Variants in KHDRBS2 observed in about 807,000 individuals in gnomAD.
KHDRBS2 encodes KH RNA binding domain containing, signal transduction associated 2.
In KHDRBS2, 26 loss-of-function variants were observed where a neutral mutation model predicts 44.3. The observed-to-expected ratio is 0.59, with a 90% CI of 0.43 to 0.81. The LOEUF (loss-of-function observed/expected upper bound fraction) is 0.81. Ranked by LOEUF, KHDRBS2 falls within the 40% of genes least tolerant of loss-of-function variation. The pLI, the probability that KHDRBS2 is intolerant of heterozygous loss-of-function variation, is 0.00. For synonymous variants in KHDRBS2, 194 were observed against 151.1 expected (o/e 1.28, Z -2.08); for missense variants, 476 against 433.1 (o/e 1.10, Z -0.88).
intron 7 of KHDRBS2, among the ~76,000 whole-genome samples, chr6:61,731,949 A>G (rs909918824): frequency 4.6e-5 from 7 of 152,118 alleles, no homozygotes; most frequent in African/African-American, 1.7e-4. Context: ...GTAACAAAAA[A>G]CAGATAGTTG....
chr6:61,901,395 G>T, intron 4 of KHDRBS2, 24 bp from the exon 5 acceptor site: 1 of 1,586,982 alleles, frequency 6.3e-7, no homozygotes, highest in Non-Finnish European at 8.6e-7. Flanking sequence ...ATGATGTGAT[G>T]AGTTAAAAAT....
chr6:61,971,381 T>C (rs1297100401), intron 4 of KHDRBS2, among the ~76,000 whole-genome samples: 1 of 152,218 alleles, frequency 6.6e-6, no homozygotes, highest in East Asian at 1.9e-4. Context: ...AGTAGTAAAA[T>C]GAGATCACTT....
At chr6:62,237,895 T>A (rs530788415) in intron 1 of KHDRBS2, among the ~76,000 whole-genome samples, 2 of 151,884 alleles carry the variant, frequency 1.3e-5, no homozygotes, top group Admixed American at 1.3e-4. Flanking sequence ...AAAAATTAGC[T>A]GGGCGTGGTG....
At chr6:61,876,462 T>C (rs1422562771) in intron 6 of KHDRBS2, among the ~76,000 whole-genome samples, 2 of 151,646 alleles carry the variant, frequency 1.3e-5, no homozygotes, top group Non-Finnish European at 2.9e-5. Flanking sequence ...CAGAAGTAGG[T>C]AGCTTTATAG....
chr6:62,213,690 C>T (rs1391471506), intron 1 of KHDRBS2, among the ~76,000 whole-genome samples: 1 of 151,420 alleles, frequency 6.6e-6, no homozygotes, highest in Non-Finnish European at 1.5e-5. Context: ...CTGGCTAACA[C>T]GGTGCAACCC....
At chr6:61,912,814 C>T (rs78870248) in intron 4 of KHDRBS2, among the ~76,000 whole-genome samples, 10,290 of 152,154 alleles carry the variant, frequency 0.068, 413 homozygotes, top group Middle Eastern at 0.13. Flanking sequence ...AAAGGATTTA[C>T]GGCAAAGAAG....
At chr6:61,700,719 G>C (rs1477282989) in intron 7 of KHDRBS2, among the ~76,000 whole-genome samples, 1 of 142,182 alleles carries the variant, frequency 7.0e-6, no homozygotes, top group African/African-American at 2.5e-5. Flanking sequence ...CCTCATCCTG[G>C]GCTTGTGCAC....
intron 1 of KHDRBS2, among the ~76,000 whole-genome samples, chr6:62,258,031 T>C (rs879832525): frequency 1.3e-5 from 2 of 152,018 alleles, no homozygotes; most frequent in Admixed American, 6.6e-5. Flanking sequence ...AGTGCCGACA[T>C]GATGCCACAG....
At chr6:61,638,452 A>G in the KHDRBS2 span, among the ~76,000 whole-genome samples, 2 of 152,178 alleles carry the variant, frequency 1.3e-5, no homozygotes, top group African/African-American at 4.8e-5. Context: ...CTGGCTAGCC[A>G]TATATAGAAA....
At chr6:61,718,393 T>C (rs1350922026) in intron 7 of KHDRBS2, among the ~76,000 whole-genome samples, 2 of 152,164 alleles carry the variant, frequency 1.3e-5, no homozygotes, top group African/African-American at 4.8e-5. Flanking sequence ...TATCATTATT[T>C]ATATGTTCAA....
At chr6:61,930,298 C>A (rs183868166) in intron 4 of KHDRBS2, among the ~76,000 whole-genome samples, 46 of 151,978 alleles carry the variant, frequency 3.0e-4, no homozygotes, top group African/African-American at 1.1e-3. Context: ...TTTGTTATAG[C>A]AGCACAAATG....
chr6:61,814,260 A>G (rs573318328), intron 6 of KHDRBS2, among the ~76,000 whole-genome samples: 1 of 152,314 alleles, frequency 6.6e-6, no homozygotes, highest in African/African-American at 2.4e-5. Context: ...ATAATTCATT[A>G]TGACTGAAAT....
intron 2 of KHDRBS2, among the ~76,000 whole-genome samples, chr6:62,116,542 T>G (rs1056546926): frequency 1.1e-4 from 16 of 152,232 alleles, no homozygotes; most frequent in African/African-American, 3.6e-4. Context: ...ATGTATATAA[T>G]GTGTAATGAT....
chr6:61,903,707 A>G (rs866990349), intron 4 of KHDRBS2, among the ~76,000 whole-genome samples: 43 of 152,296 alleles, frequency 2.8e-4, no homozygotes, highest in Middle Eastern at 3.4e-3. Flanking sequence ...CATCATGAAA[A>G]GAAGCAGAGA....
At chr6:61,961,939 G>A (rs1397954597) in intron 4 of KHDRBS2, among the ~76,000 whole-genome samples, 4 of 151,062 alleles carry the variant, frequency 2.6e-5, no homozygotes, top group Non-Finnish European at 5.9e-5. Flanking sequence ...GACTATGTAG[G>A]TACCATATAA....
intron 1 of KHDRBS2, among the ~76,000 whole-genome samples, chr6:62,189,292 C>A (rs905887945): frequency 6.6e-6 from 1 of 151,990 alleles, no homozygotes; most frequent in African/African-American, 2.4e-5. Context: ...AATAAGTCCT[C>A]TCTCAACAGT....
chr6:62,053,183 A>T (rs986987520), intron 2 of KHDRBS2, among the ~76,000 whole-genome samples: 7 of 152,092 alleles, frequency 4.6e-5, no homozygotes, highest in Non-Finnish European at 1.0e-4. Context: ...AAGAAATACC[A>T]GTCCCATTAG....
the KHDRBS2 span, among the ~76,000 whole-genome samples, chr6:61,553,510 C>T: frequency 6.6e-6 from 1 of 151,996 alleles, no homozygotes; most frequent in Non-Finnish European, 1.5e-5. Context: ...TCCTTCAGTT[C>T]TGCTTTGATT....
chr6:61,656,475 T>C, the KHDRBS2 span, among the ~76,000 whole-genome samples: 1 of 152,046 alleles, frequency 6.6e-6, no homozygotes, highest in Non-Finnish European at 1.5e-5. Context: ...GTGTCTTCTT[T>C]AAATATTTAC....
Sources: allele counts gnomAD v4.1 joint callset (sites outside exome capture counted in the v4.1 genomes callset), GRCh38; gene constraint gnomAD v4.1.1; transcripts MANE v1.5; gene names NCBI Gene and HGNC (gene_info 2026-07-23, HGNC 2026-07-21).